The following MEIOB variants were observed in gnomAD, a reference collection of about 807,000 sequenced individuals.
MEIOB encodes the protein meiosis-specific with OB domain-containing protein.
In MEIOB, 50 loss-of-function variants were observed where a neutral mutation model predicts 53.1. The ratio of observed to expected loss-of-function variants is 0.94; its 90% CI spans 0.75 to 1.19. MEIOB has a LOEUF of 1.19. MEIOB is among the 50% of genes most tolerant of loss of function. MEIOB has a pLI of 0.00. For synonymous variants in MEIOB, 192 were observed against 182.5 expected, an observed-to-expected ratio of 1.05 and a Z score of -0.42; for missense variants, 551 against 550.8, an observed-to-expected ratio of 1.00 and a Z score of 0.00.
chr16:1,845,030 C>A, intron 9 of MEIOB, 67 bp from the exon 10 acceptor site: 3 of 712,638 alleles, frequency 4.2e-6, no homozygotes, highest in Non-Finnish European at 4.8e-6. Flanking sequence ...TTTAAATCAT[C>A]CAAAATCATT....
At chr16:1,865,309 G>T (rs1405036685) in intron 3 of MEIOB, among the ~76,000 whole-genome samples, 1 of 152,014 alleles carries the variant, frequency 6.6e-6, no homozygotes, top group Non-Finnish European at 1.5e-5. Flanking sequence ...GCATGTGCCT[G>T]TAATTCCAGC....
intron 6 of MEIOB, among the ~76,000 whole-genome samples, chr16:1,855,983 T>G (rs937739002): frequency 6.6e-6 from 1 of 151,066 alleles, no homozygotes; most frequent in African/African-American, 2.5e-5. Context: ...ATTAAGAAAT[T>G]ACTCTTGCCT....
At chr16:1,858,182 C>A (rs1426975843) in intron 5 of MEIOB, among the ~76,000 whole-genome samples, 1 of 152,196 alleles carries the variant, frequency 6.6e-6, no homozygotes, top group Non-Finnish European at 1.5e-5. Flanking sequence ...GCCCAAGACT[C>A]TGCGCTTGTT....
intron 10 of MEIOB, among the ~76,000 whole-genome samples, chr16:1,844,141 G>C (rs955461981): frequency 1.9e-5 from 1 of 52,232 alleles, no homozygotes. Context: ...TTTTTTTTTT[G>C]AGACGGGGTC....
intron 7 of MEIOB, 107 bp from the exon 8 acceptor site, chr16:1,853,378 C>CACTG: frequency 5.5e-6 from 5 of 907,044 alleles, no homozygotes; most frequent in Non-Finnish European, 8.5e-6. Flanking sequence ...TGGGGTCAGC[C>CACTG]ATCCCCAAGG....
At chr16:1,838,907 G>T (rs996327400) in intron 12 of MEIOB, among the ~76,000 whole-genome samples, 17 of 152,046 alleles carry the variant, frequency 1.1e-4, no homozygotes, top group African/African-American at 4.1e-4. Flanking sequence ...GGCCAGGCTG[G>T]TCTCAAACTC....
intron 12 of MEIOB, chr16:1,838,075 C>A: frequency 1.1e-6 from 1 of 914,564 alleles, no homozygotes; most frequent in South Asian, 1.8e-5. Flanking sequence ...CAGCTCACTG[C>A]AGCCTCGAAC....
intron 10 of MEIOB, among the ~76,000 whole-genome samples, chr16:1,842,487 G>C (rs1248152032): frequency 6.6e-6 from 1 of 150,518 alleles, no homozygotes; most frequent in East Asian, 2.0e-4. Context: ...GCCAGGCATG[G>C]TGGTGCATGC....
chr16:1,859,374 T>G (rs1899385841), intron 5 of MEIOB, among the ~76,000 whole-genome samples: 1 of 151,990 alleles, frequency 6.6e-6, no homozygotes, highest in African/African-American at 2.4e-5. Context: ...AAACCCCGCC[T>G]CTACTAAAAA....
Position 1,859,330 on chromosome 16 carries a change from T to C in MEIOB, c.332+1073A>G, listed in dbSNP as rs1596980452. On this transcript the variant is annotated intron_variant, in intron 5 of 13. Transcript: ENST00000325962. ...GCCGAGGCGGGCGGATCACTTGAGGTCAGGAGTTCGACACCAGCCTGGCCA... is the reference window on the plus strand; with the variant it reads ...GCCGAGGCGGGCGGATCACTTGAGGCCAGGAGTTCGACACCAGCCTGGCCA... 2.0e-5 allele frequency among the ~76,000 whole-genome samples: 3 copies of C among 151,932 alleles called. No individual in the cohort carries two copies. The South Asian group carries it at 6.2e-4, about 32-fold the overall frequency.
Position 1,853,210 on chromosome 16 carries a change from T to C in MEIOB, c.682+9A>G. Reference sequence around the variant, plus strand: ...ACAAATATTGGACACAATCATTGAATGATAATACCTGTTTCTCGTGGCATC... The same window carrying C: ...ACAAATATTGGACACAATCATTGAACGATAATACCTGTTTCTCGTGGCATC... On this transcript the variant is annotated intron_variant, in intron 8 of 13. Transcript: ENST00000325962. The C allele has an allele frequency of 6.4e-7, 1 of 1,554,164 alleles. No individual in the cohort carries two copies. Among genetic ancestry groups the C allele is most frequent in the East Asian group, 2.4e-5 (1 of 41,368 alleles).
chr16:1,835,147 C>T (rs1411315170), intron 13 of MEIOB, among the ~76,000 whole-genome samples: 4 of 151,776 alleles, frequency 2.6e-5, no homozygotes, highest in Non-Finnish European at 5.9e-5. Flanking sequence ...CCCAGCTACT[C>T]GGTGGCTGAG....
At chr16:1,842,273 G>A (rs1898930558) in intron 10 of MEIOB, among the ~76,000 whole-genome samples, 1 of 151,908 alleles carries the variant, frequency 6.6e-6, no homozygotes, top group Admixed American at 6.6e-5. Context: ...ATGAGATAAA[G>A]GACTCATCCA....
chr16:1,834,415 C>A, intron 13 of MEIOB, 49 bp from the exon 14 acceptor site: 1 of 980,162 alleles, frequency 1.0e-6, no homozygotes, highest in South Asian at 1.4e-5. Flanking sequence ...TTTAAAATCC[C>A]CTTGTATATC....
intron 9 of MEIOB, among the ~76,000 whole-genome samples, chr16:1,849,547 A>AAAAAAAAAAAAC (rs1050497746): frequency 6.7e-6 from 1 of 150,252 alleles, no homozygotes; most frequent in Non-Finnish European, 1.5e-5. Flanking sequence ...CTCCGTCTCA[A>AAAAAAAAAAAAC]AAAAAAAAAA....
chr16:1,842,647 T>TTTA (rs567101973), intron 10 of MEIOB, among the ~76,000 whole-genome samples: 170 of 126,990 alleles, frequency 1.3e-3, no homozygotes, highest in Non-Finnish European at 2.3e-3. Flanking sequence ...CTCGATTTTT[T>TTTA]TTATTATTAT....
At chr16:1,852,691 G>C (rs947013644) in intron 9 of MEIOB, among the ~76,000 whole-genome samples, 2 of 151,452 alleles carry the variant, frequency 1.3e-5, no homozygotes, top group African/African-American at 4.9e-5. Flanking sequence ...GAGTAGCTGG[G>C]ATTACAGGCG....
chr16:1,849,007 G>T (rs891833858), intron 9 of MEIOB, among the ~76,000 whole-genome samples: 12 of 152,128 alleles, frequency 7.9e-5, no homozygotes, highest in African/African-American at 2.7e-4. Flanking sequence ...TGCTCAGGTG[G>T]GGCATGGTGG....
chr16:1,863,355 T>TATA (rs1555472779), intron 3 of MEIOB, among the ~76,000 whole-genome samples: 3 of 10,468 alleles, frequency 2.9e-4, no homozygotes, highest in African/African-American at 1.3e-3. Context: ...CTAATTTTTG[T>TATA]TTTTTGTTTT....
Sources: allele counts gnomAD v4.1 joint callset (sites outside exome capture counted in the v4.1 genomes callset), GRCh38; gene constraint gnomAD v4.1.1; transcripts MANE v1.5; gene names NCBI Gene and HGNC (gene_info 2026-07-23, HGNC 2026-07-21).